The following HS2ST1 variants were observed in gnomAD, a reference collection of about 807,000 sequenced individuals.
The protein encoded by HS2ST1 is 2-O-sulfotransferase.
HS2ST1 carries 18 observed loss-of-function variants against 42.9 expected under a neutral mutation model. The ratio of observed to expected loss-of-function variants is 0.42; its 90% confidence interval spans 0.29 to 0.62. The LOEUF is 0.62. Ranked by LOEUF, HS2ST1 falls within the 20% of genes least tolerant of loss-of-function variation. The pLI, the probability that HS2ST1 is intolerant of heterozygous loss-of-function variation, is 0.21. For missense variants in HS2ST1, 334 were observed against 433.8 expected (o/e 0.77, Z 2.04); for synonymous variants, 146 against 152.9 (o/e 0.95, Z 0.33).
chr1:87,045,041 A>T (rs1211751585), intron 1 of HS2ST1: 1 of 1,254,032 alleles, frequency 8.0e-7, no homozygotes. Context: ...TCTCTTCTTC[A>T]CTGACGTCAG....
intron 1 of HS2ST1, among the ~76,000 whole-genome samples, chr1:87,032,591 C>T (rs1346315145): frequency 6.6e-6 from 1 of 152,078 alleles, no homozygotes; most frequent in African/African-American, 2.4e-5. Context: ...TACCTCAGGA[C>T]AAGTATTCAC....
intron 5 of HS2ST1, among the ~76,000 whole-genome samples, chr1:87,101,060 A>G (rs1443601849): frequency 1.3e-5 from 2 of 150,348 alleles, no homozygotes; most frequent in East Asian, 2.0e-4. Context: ...AGCCTCTTAG[A>G]CACAGCCAGG....
At chr1:87,062,530 C>A (rs571199468) in intron 1 of HS2ST1, among the ~76,000 whole-genome samples, 1 of 152,256 alleles carries the variant, frequency 6.6e-6, no homozygotes, top group East Asian at 1.9e-4. Context: ...AGCCACATCA[C>A]AGAATGCCGT....
rs544385713 is a variant in HS2ST1, at chr1:86,951,594, A to G, written c.124+36434A>G. 3.9e-5 allele frequency among the ~76,000 whole-genome samples: 6 copies of G among 152,356 alleles called. No homozygotes were observed. The South Asian group carries it at 1.0e-3, about 26-fold the overall frequency. ...TTAGTGAGTTATAAATTTTTTGCTG[A>G]TAGGAGGACCTTGTGTTGATTTAAA... On this transcript the variant is annotated intron_variant, in intron 1 of 6. Coordinates refer to ENST00000370550, the MANE Select transcript of HS2ST1 (RefSeq NM_012262.4).
intron 1 of HS2ST1, among the ~76,000 whole-genome samples, chr1:86,979,706 C>G (rs1240244591): frequency 6.6e-6 from 1 of 152,188 alleles, no homozygotes; most frequent in Non-Finnish European, 1.5e-5. Flanking sequence ...GCCTTTACTT[C>G]TTTTGACTGT....
chr1:87,070,443 T>C (rs1045558794), intron 1 of HS2ST1, among the ~76,000 whole-genome samples: 4 of 151,930 alleles, frequency 2.6e-5, no homozygotes, highest in Non-Finnish European at 5.9e-5. Flanking sequence ...ATACAAAAAT[T>C]AGCCAGATGT....
intron 1 of HS2ST1, among the ~76,000 whole-genome samples, chr1:87,049,323 T>G (rs1316848298): frequency 6.6e-6 from 1 of 151,880 alleles, no homozygotes; most frequent in Non-Finnish European, 1.5e-5. Flanking sequence ...GTTTTATTTT[T>G]ATTTATTTAT....
At chr1:86,927,925 TA>T (rs1660454451) in intron 1 of HS2ST1, among the ~76,000 whole-genome samples, 1 of 152,134 alleles carries the variant, frequency 6.6e-6, no homozygotes, top group African/African-American at 2.4e-5. Flanking sequence ...CTTAAGTTGG[TA>T]GTCTGAGTCT....
chr1:86,954,031 T>C (rs1201396118), intron 1 of HS2ST1, among the ~76,000 whole-genome samples: 1 of 107,152 alleles, frequency 9.3e-6, no homozygotes, highest in East Asian at 2.3e-4. Context: ...CAAACATCAC[T>C]GTTTTTTTTA....
At chr1:87,050,505 G>A (rs952898613) in intron 1 of HS2ST1, among the ~76,000 whole-genome samples, 2 of 152,064 alleles carry the variant, frequency 1.3e-5, no homozygotes, top group Non-Finnish European at 2.9e-5. Context: ...AGAGACTCCT[G>A]TAAAATTTTA....
intron 1 of HS2ST1, among the ~76,000 whole-genome samples, chr1:87,038,258 A>G (rs1300815397): frequency 6.6e-6 from 1 of 152,094 alleles, no homozygotes; most frequent in East Asian, 1.9e-4. Flanking sequence ...AAATGGATGG[A>G]TGCACAGATG....
intron 1 of HS2ST1, among the ~76,000 whole-genome samples, chr1:87,027,574 T>C (rs1034305224): frequency 1.3e-5 from 2 of 152,246 alleles, no homozygotes; most frequent in African/African-American, 2.4e-5. Flanking sequence ...AGATGATGTT[T>C]TGTAATACAG....
At chr1:87,002,778 C>T (rs1464599272) in intron 1 of HS2ST1, among the ~76,000 whole-genome samples, 2 of 151,894 alleles carry the variant, frequency 1.3e-5, no homozygotes, top group African/African-American at 4.8e-5. Context: ...TTTTTGGTCA[C>T]CTACAACCCT....
intron 1 of HS2ST1, among the ~76,000 whole-genome samples, chr1:86,996,714 T>A (rs767878035): frequency 3.3e-5 from 5 of 152,146 alleles, no homozygotes; most frequent in Non-Finnish European, 7.4e-5. Flanking sequence ...GACAGCAGAA[T>A]TGGAATTCCA....
intron 1 of HS2ST1, among the ~76,000 whole-genome samples, chr1:86,927,287 G>T (rs1660442399): frequency 6.6e-6 from 1 of 152,118 alleles, no homozygotes; most frequent in African/African-American, 2.4e-5. Context: ...TATCATTATA[G>T]TCCTCAGATC....
intron 5 of HS2ST1, 138 bp downstream of exon 5, chr1:87,098,073 G>T: frequency 1.4e-6 from 2 of 1,443,080 alleles, no homozygotes; most frequent in Non-Finnish European, 1.8e-6. Context: ...GTAATATCTA[G>T]TTTTGCAGTT....
intron 1 of HS2ST1, among the ~76,000 whole-genome samples, chr1:87,001,588 T>C (rs973857202): frequency 3.9e-5 from 6 of 152,258 alleles, no homozygotes; most frequent in Non-Finnish European, 8.8e-5. Flanking sequence ...AAAGACTGTT[T>C]ATGAAAAGTT....
At chr1:86,963,831 G>A (rs577184990) in intron 1 of HS2ST1, among the ~76,000 whole-genome samples, 10 of 147,320 alleles carry the variant, frequency 6.8e-5, no homozygotes, top group South Asian at 2.1e-4. Flanking sequence ...CTGGCCGGGC[G>A]GGGGCTGCCC....
At chr1:87,023,350 C>G (rs538996998) in intron 1 of HS2ST1, among the ~76,000 whole-genome samples, 2 of 151,770 alleles carry the variant, frequency 1.3e-5, no homozygotes, top group East Asian at 3.9e-4. Flanking sequence ...TCCTAAATGT[C>G]TATTCATAGA....
Sources: allele counts gnomAD v4.1 joint callset (sites outside exome capture counted in the v4.1 genomes callset), GRCh38; gene constraint gnomAD v4.1.1; transcripts MANE v1.5; gene names NCBI Gene and HGNC (gene_info 2026-07-23, HGNC 2026-07-21).